CDH13: variants seen among roughly 807,000 people sequenced by gnomAD.
The protein encoded by CDH13 is cadherin 13.
Under a neutral mutation model 63.8 loss-of-function variants are expected in CDH13, and 24 were observed. The observed-to-expected ratio is 0.38, with a 90% confidence interval of 0.27 to 0.53. The LOEUF is 0.53. Among genes scored for constraint, CDH13 ranks in the 20% least tolerant of loss-of-function variants. The probability of loss-of-function intolerance (pLI) is 0.85; values close to 1 mark genes in which losing one functional copy is unlikely to be tolerated. For missense variants in CDH13, 1,049 were observed against 903.1 expected (o/e 1.16, Z -2.07); for synonymous variants, 503 against 355.3 (o/e 1.42, Z -4.67).
intron 3 of CDH13, among the ~76,000 whole-genome samples, chr16:83,040,172 C>A (rs1248543880): frequency 6.6e-6 from 1 of 151,884 alleles, no homozygotes; most frequent in Non-Finnish European, 1.5e-5. Flanking sequence ...GGTTCCTCAG[C>A]TGGAAAAGGG....
chr16:82,786,894 T>C (rs1335409364), intron 1 of CDH13, among the ~76,000 whole-genome samples: 1 of 152,076 alleles, frequency 6.6e-6, no homozygotes, highest in African/African-American at 2.4e-5. Flanking sequence ...AGAAAACAGT[T>C]GTTTTTAAGG....
At chr16:83,485,670 G>A (rs1234335857) in intron 6 of CDH13, among the ~76,000 whole-genome samples, 1 of 152,010 alleles carries the variant, frequency 6.6e-6, no homozygotes, top group African/African-American at 2.4e-5. Context: ...GACTAGATAA[G>A]GTTGTTCATC....
At chr16:83,024,299 TACCTGGCA>T (rs1160813872) in intron 2 of CDH13, among the ~76,000 whole-genome samples, 1 of 152,194 alleles carries the variant, frequency 6.6e-6, no homozygotes, top group African/African-American at 2.4e-5. Context: ...TTTGAAAAAA[TACCTGGCA>T]TATTCAACAG....
chr16:83,032,419 G>T (rs1357350213), intron 3 of CDH13: 1 of 570,424 alleles, frequency 1.8e-6, no homozygotes, highest in African/African-American at 1.9e-5. Flanking sequence ...TTGAGGCATA[G>T]TTCGTGGATT....
At chr16:83,783,577 A>T in intron 13 of CDH13, 105 bp downstream of exon 13, 2 of 877,698 alleles carry the variant, frequency 2.3e-6, no homozygotes, top group East Asian at 4.9e-5. Flanking sequence ...GATGTTTCCC[A>T]GAAGAATCAT....
intron 6 of CDH13, among the ~76,000 whole-genome samples, chr16:83,420,318 A>G (rs1237273325): frequency 1.3e-5 from 2 of 152,184 alleles, no homozygotes; most frequent in Non-Finnish European, 2.9e-5. Flanking sequence ...GTCTGGCTAG[A>G]CACAAATTTG....
At chr16:83,360,200 G>A (rs1023827060) in intron 6 of CDH13, among the ~76,000 whole-genome samples, 1 of 152,180 alleles carries the variant, frequency 6.6e-6, no homozygotes, top group Non-Finnish European at 1.5e-5. Flanking sequence ...TTGTGCAGAT[G>A]AATATGCACC....
At chr16:83,003,711 A>C (rs1006057633) in intron 2 of CDH13, among the ~76,000 whole-genome samples, 10 of 152,238 alleles carry the variant, frequency 6.6e-5, no homozygotes, top group African/African-American at 2.2e-4. Context: ...ATAGCATTAG[A>C]GCACAGAGAA....
rs182963396 is a variant in CDH13 at position 82,838,316 on chromosome 16, C to T, written c.46-20046C>T. On this transcript the variant is annotated intron_variant, in intron 1 of 13. Coordinates refer to ENST00000567109, the MANE Select transcript of CDH13 (RefSeq NM_001257.5). ...ATATTTTTCTGGCAGAAGAACATGC[C>T]CGTCCTATTTATTGTGTTATCACTA... is the stretch of plus-strand genomic sequence containing the variant. 3.9e-4 allele frequency among the ~76,000 whole-genome samples: 60 copies of T among 152,206 alleles called. No individual in the cohort carries two copies. In the East Asian group the frequency reaches 6.4e-3, roughly 16 times the overall value.
intron 6 of CDH13, among the ~76,000 whole-genome samples, chr16:83,374,839 C>T (rs963111375): frequency 1.3e-5 from 2 of 152,178 alleles, no homozygotes; most frequent in African/African-American, 4.8e-5. Flanking sequence ...ATACTGCTTC[C>T]ATATGAGCCT....
At chr16:83,310,025 A>C (rs2089966187) in intron 5 of CDH13, among the ~76,000 whole-genome samples, 1 of 152,210 alleles carries the variant, frequency 6.6e-6, no homozygotes, top group Non-Finnish European at 1.5e-5. Flanking sequence ...AATGGTTGAA[A>C]GAATATGCAT....
chr16:83,285,062 C>T (rs1455342427), intron 5 of CDH13, among the ~76,000 whole-genome samples: 2 of 152,136 alleles, frequency 1.3e-5, no homozygotes, highest in Non-Finnish European at 2.9e-5. Context: ...TAATTTCTTT[C>T]TCCTTGGGTT....
At chr16:83,524,131 C>A (rs1340172208) in intron 7 of CDH13, among the ~76,000 whole-genome samples, 5 of 152,172 alleles carry the variant, frequency 3.3e-5, no homozygotes, top group Non-Finnish European at 2.9e-5. Flanking sequence ...ACGACCTTAC[C>A]ATGCACTAGA....
At chr16:83,270,476 A>G (rs1364860524) in intron 5 of CDH13, among the ~76,000 whole-genome samples, 3 of 152,222 alleles carry the variant, frequency 2.0e-5, no homozygotes, top group Admixed American at 6.5e-5. Context: ...CCATTGTGAA[A>G]TTTAAAATAT....
chr16:83,124,254 C>T lies in CDH13; in HGVS notation c.367-1131C>T, dbSNP rs577008283. On this transcript the variant is annotated intron_variant, in intron 3 of 13. Coordinates refer to ENST00000567109, the MANE Select transcript of CDH13 (RefSeq NM_001257.5). ...TGAGACCTGGTTTCACCATGTTGGC[C>T]AGGCTGGTCTCGAACTCCTGACCTC... is the stretch of plus-strand genomic sequence containing the variant. Among the ~76,000 whole-genome samples, 9 of 152,232 alleles carry T rather than the reference C, an allele frequency of 5.9e-5. No individual in the cohort carries two copies. The East Asian group carries it at 1.7e-3, about 30-fold the overall frequency.
chr16:83,679,990 G>A (rs1160595997), intron 10 of CDH13, among the ~76,000 whole-genome samples: 3 of 152,210 alleles, frequency 2.0e-5, no homozygotes, highest in African/African-American at 7.2e-5. Context: ...GACAGACAGT[G>A]GGAGAGGAAG....
chr16:83,508,574 T>C (rs565510974), intron 7 of CDH13, among the ~76,000 whole-genome samples: 1 of 152,304 alleles, frequency 6.6e-6, no homozygotes, highest in Admixed American at 6.5e-5. Flanking sequence ...CAAGAGTTGG[T>C]AGATTACCAT....
intron 9 of CDH13, among the ~76,000 whole-genome samples, chr16:83,676,633 C>G (rs543413040): frequency 6.6e-6 from 1 of 152,320 alleles, no homozygotes; most frequent in East Asian, 1.9e-4. Context: ...TGTGCAGCCA[C>G]TCAGCACTAA....
chr16:83,269,405 T>C (rs547499578), intron 5 of CDH13, among the ~76,000 whole-genome samples: 11 of 152,154 alleles, frequency 7.2e-5, no homozygotes, highest in Non-Finnish European at 1.5e-4. Context: ...GTCTCAAATA[T>C]TGATTATCTA....
Sources: allele counts gnomAD v4.1 joint callset (sites outside exome capture counted in the v4.1 genomes callset), GRCh38; gene constraint gnomAD v4.1.1; transcripts MANE v1.5; gene names NCBI Gene and HGNC (gene_info 2026-07-23, HGNC 2026-07-21).